Variants in WWOX observed in about 807,000 individuals in gnomAD.
WWOX encodes the protein WW domain containing oxidoreductase, also known as WW domain-containing oxidoreductase.
WWOX carries 69 observed loss-of-function variants against 46.2 expected under a neutral mutation model. The ratio of observed to expected loss-of-function variants is 1.49; its 90% CI spans 1.23 to 1.82. The LOEUF is 1.82. WWOX is among the 40% of genes most tolerant of loss of function. WWOX has a pLI of 0.00. For missense variants in WWOX, 919 were observed against 542.6 expected (o/e 1.69, Z -6.89); for synonymous variants, 359 against 202.6 (o/e 1.77, Z -6.56).
At chr16:78,650,321 C>T (rs1038655633) in intron 8 of WWOX, among the ~76,000 whole-genome samples, 2 of 152,150 alleles carry the variant, frequency 1.3e-5, no homozygotes, top group African/African-American at 2.4e-5. Context: ...TAACATACTG[C>T]TGTCTGTAAA....
intron 5 of WWOX, among the ~76,000 whole-genome samples, chr16:78,359,384 CT>C (rs1206383926): frequency 6.6e-6 from 1 of 152,144 alleles, no homozygotes; most frequent in Non-Finnish European, 1.5e-5. Context: ...AAGTTTTTTT[CT>C]GCTGTGCTTA....
At chr16:78,829,119 G>GATGA (rs1567589174) in intron 8 of WWOX, among the ~76,000 whole-genome samples, 1 of 152,042 alleles carries the variant, frequency 6.6e-6, no homozygotes, top group African/African-American at 2.4e-5. Flanking sequence ...TGGATGGATG[G>GATGA]ATGGATGGAT....
At chr16:78,641,406 C>G (rs2046707662) in intron 8 of WWOX, among the ~76,000 whole-genome samples, 1 of 152,072 alleles carries the variant, frequency 6.6e-6, no homozygotes, top group Admixed American at 6.6e-5. Flanking sequence ...TTATCAATAT[C>G]CGTGGCTCTT....
intron 8 of WWOX, among the ~76,000 whole-genome samples, chr16:79,124,262 G>C (rs907982145): frequency 6.6e-6 from 1 of 152,028 alleles, no homozygotes; most frequent in Non-Finnish European, 1.5e-5. Context: ...GGTGCAGAGC[G>C]CTCGGCAAAT....
intron 5 of WWOX, among the ~76,000 whole-genome samples, chr16:78,185,823 C>A (rs372276521): frequency 2.5e-4 from 37 of 147,538 alleles, no homozygotes; most frequent in African/African-American, 9.4e-4. Flanking sequence ...CCCACCATCA[C>A]GCCCAGCTAA....
At chr16:78,306,711 G>A (rs4296268) in intron 5 of WWOX, among the ~76,000 whole-genome samples, 77,244 of 151,380 alleles carry the variant, frequency 0.51, 20,495 homozygotes, top group East Asian at 0.77. Flanking sequence ...AATTCCCTGT[G>A]AATTTTGCTC....
At chr16:78,950,291 G>A (rs1379434503) in intron 8 of WWOX, among the ~76,000 whole-genome samples, 1 of 152,132 alleles carries the variant, frequency 6.6e-6, no homozygotes, top group Non-Finnish European at 1.5e-5. Flanking sequence ...GAGTGGGGCG[G>A]TATTAGTCAG....
intron 5 of WWOX, among the ~76,000 whole-genome samples, chr16:78,369,055 C>G (rs564965175): frequency 1.5e-4 from 22 of 150,488 alleles, no homozygotes; most frequent in Admixed American, 2.0e-4. Context: ...TATCCTTTTT[C>G]TTTCCCTTTT....
At chr16:78,575,016 TATATA>T (rs2044820802) in intron 8 of WWOX, among the ~76,000 whole-genome samples, 1 of 12,528 alleles carries the variant, frequency 8.0e-5, no homozygotes, top group East Asian at 2.2e-3. Flanking sequence ...TATATATATA[TATATA>T]AATATATATA....
At chr16:78,919,803 C>G (rs973578982) in intron 8 of WWOX, among the ~76,000 whole-genome samples, 3 of 152,180 alleles carry the variant, frequency 2.0e-5, no homozygotes, top group Non-Finnish European at 4.4e-5. Context: ...GCATGAGCCA[C>G]TGCACCTGAC....
intron 8 of WWOX, among the ~76,000 whole-genome samples, chr16:78,662,278 G>A (rs779901569): frequency 2.0e-5 from 3 of 152,168 alleles, no homozygotes; most frequent in Non-Finnish European, 2.9e-5. Context: ...TTTAGTCAGA[G>A]GCAAGGCAAG....
intron 5 of WWOX, among the ~76,000 whole-genome samples, chr16:78,323,861 C>G (rs1023297953): frequency 1.2e-4 from 19 of 152,264 alleles, no homozygotes; most frequent in African/African-American, 4.1e-4. Context: ...AGTGCATGCA[C>G]TCTTAAGGAC....
chr16:78,158,255 T>C (rs2034670247), intron 4 of WWOX, among the ~76,000 whole-genome samples: 1 of 152,208 alleles, frequency 6.6e-6, no homozygotes, highest in Non-Finnish European at 1.5e-5. Flanking sequence ...TGCGTGCATA[T>C]TAACATTATC....
At chr16:78,248,474 C>T (rs1450060841) in intron 5 of WWOX, among the ~76,000 whole-genome samples, 4 of 152,174 alleles carry the variant, frequency 2.6e-5, no homozygotes, top group Non-Finnish European at 5.9e-5. Flanking sequence ...CGGTGGCACA[C>T]TCTGTAATCC....
intron 6 of WWOX, among the ~76,000 whole-genome samples, chr16:78,410,906 C>G (rs1015424682): frequency 7.2e-5 from 11 of 151,750 alleles, no homozygotes; most frequent in African/African-American, 2.7e-4. Flanking sequence ...GCAGAGGTCA[C>G]TTCCTCATGA....
chr16:78,701,745 G>T (rs146658547), intron 8 of WWOX, among the ~76,000 whole-genome samples: 7 of 151,880 alleles, frequency 4.6e-5, no homozygotes, highest in African/African-American at 1.7e-4. Flanking sequence ...GGGTTCTTTG[G>T]GACCCAGTTA....
intron 8 of WWOX, among the ~76,000 whole-genome samples, chr16:78,837,161 A>C (rs549604255): frequency 2.0e-5 from 3 of 152,336 alleles, no homozygotes; most frequent in Admixed American, 2.0e-4. Context: ...ACTTAAAAAA[A>C]TGTTTAGCTG....
At chr16:79,083,169 C>T (rs566132203) in intron 8 of WWOX, among the ~76,000 whole-genome samples, 8 of 152,252 alleles carry the variant, frequency 5.3e-5, no homozygotes, top group Middle Eastern at 3.4e-3. Context: ...CCTAACACTG[C>T]GGTTCCCCTA....
intron 8 of WWOX, among the ~76,000 whole-genome samples, chr16:78,643,974 G>A (rs1241166497): frequency 1.3e-5 from 2 of 152,126 alleles, no homozygotes; most frequent in Non-Finnish European, 2.9e-5. Context: ...TGTAATCCCA[G>A]CGCTTTGGGA....
Sources: allele counts gnomAD v4.1 joint callset (sites outside exome capture counted in the v4.1 genomes callset), GRCh38; gene constraint gnomAD v4.1.1; transcripts MANE v1.5; gene names NCBI Gene and HGNC (gene_info 2026-07-23, HGNC 2026-07-21).